The following CLASP1 variants were observed in gnomAD, a reference collection of about 807,000 sequenced individuals.
The protein encoded by CLASP1 is CLIP-associating protein 1.
Under a neutral mutation model 192.3 loss-of-function variants are expected in CLASP1, and 38 were observed. That is an observed-to-expected ratio of 0.20 (90% confidence interval 0.15 to 0.26). The LOEUF is 0.26. Ranked by LOEUF, CLASP1 falls within the 10% of genes least tolerant of loss-of-function variation. The pLI, the probability that CLASP1 is intolerant of heterozygous loss-of-function variation, is 1.00. For synonymous variants in CLASP1, 691 were observed against 712.8 expected, an observed-to-expected ratio of 0.97 and a Z score of 0.49; for missense variants, 1,433 against 1,932.5, an observed-to-expected ratio of 0.74 and a Z score of 4.85.
chr2:121,429,899 A>G (rs1043352108), intron 20 of CLASP1, among the ~76,000 whole-genome samples, 174 bp downstream of exon 20: 4 of 152,206 alleles, frequency 2.6e-5, no homozygotes, highest in African/African-American at 9.7e-5. Context: ...TATGCCTGAA[A>G]TGTTTCATTT....
At chr2:121,427,867 A>G (rs1436972164) in intron 20 of CLASP1, among the ~76,000 whole-genome samples, 2 of 152,224 alleles carry the variant, frequency 1.3e-5, no homozygotes, top group Non-Finnish European at 2.9e-5. Flanking sequence ...AAATATGCCA[A>G]TTATTAAGGG....
intron 9 of CLASP1, among the ~76,000 whole-genome samples, chr2:121,465,341 T>G (rs532619130): frequency 2.8e-4 from 42 of 152,316 alleles, no homozygotes; most frequent in African/African-American, 1.0e-3. Context: ...ACAAAATCAA[T>G]GTACAAAAAT....
At chr2:121,587,913 C>T (rs1022174238) in intron 2 of CLASP1, among the ~76,000 whole-genome samples, 4 of 151,790 alleles carry the variant, frequency 2.6e-5, no homozygotes, top group Admixed American at 2.0e-4. Flanking sequence ...TGGCTCACAC[C>T]TGTAATCTCA....
intron 33 of CLASP1, 61 bp downstream of exon 34, chr2:121,382,147 C>G: frequency 7.4e-7 from 1 of 1,349,768 alleles, no homozygotes; most frequent in Non-Finnish European, 1.0e-6. Flanking sequence ...AGACCTGAGA[C>G]GACCTTGGAA....
At chr2:121,541,092 T>C (rs1367361033) in intron 2 of CLASP1, among the ~76,000 whole-genome samples, 1 of 152,190 alleles carries the variant, frequency 6.6e-6, no homozygotes, top group Non-Finnish European at 1.5e-5. Flanking sequence ...CCTATAAGTT[T>C]ATAACAAGAA....
chr2:121,558,377 T>C (rs1313485700), intron 2 of CLASP1, among the ~76,000 whole-genome samples: 1 of 152,168 alleles, frequency 6.6e-6, no homozygotes, highest in Non-Finnish European at 1.5e-5. Flanking sequence ...TCTGCTATGG[T>C]TTGAATGTGC....
intron 2 of CLASP1, among the ~76,000 whole-genome samples, chr2:121,554,241 A>G (rs185753217): frequency 9.1e-4 from 138 of 152,116 alleles, no homozygotes; most frequent in African/African-American, 3.3e-3. Flanking sequence ...AGAAATAAAT[A>G]ACAACAATAA....
At chr2:121,469,553 G>T (rs1465846286) in intron 9 of CLASP1, among the ~76,000 whole-genome samples, 1 of 152,152 alleles carries the variant, frequency 6.6e-6, no homozygotes, top group Non-Finnish European at 1.5e-5. Context: ...GCTTTCCTCT[G>T]TGCTGGCTTC....
At chr2:121,589,882 C>T (rs1386695662) in intron 2 of CLASP1, among the ~76,000 whole-genome samples, 1 of 151,540 alleles carries the variant, frequency 6.6e-6, no homozygotes, top group Non-Finnish European at 1.5e-5. Flanking sequence ...ACAAATAGAC[C>T]CAAATAGATC....
intron 2 of CLASP1, among the ~76,000 whole-genome samples, chr2:121,577,932 AT>A (rs1199631883): frequency 6.6e-6 from 1 of 151,982 alleles, no homozygotes; most frequent in Non-Finnish European, 1.5e-5. Context: ...TGACTGATTG[AT>A]TGATTAATTG....
intron 38 of CLASP1, 109 bp from the exon 40 acceptor site, chr2:121,347,263 T>A: frequency 1.4e-6 from 1 of 740,430 alleles, no homozygotes; most frequent in South Asian, 1.7e-5. Context: ...ACCTTGGACT[T>A]GTCAGTAACA....
chr2:121,347,163 C>A lies in CLASP1; in HGVS notation c.4414-9G>T. ...TCGGTGTTGTCATAACCCTAGAGAG[C>A]CAGAAGGGAACACGAAAAGGAAACC... On this transcript the variant is annotated splice_polypyrimidine_tract_variant and intron_variant, in intron 38 of 39. Coordinates refer to ENST00000263710, the Ensembl canonical transcript of CLASP1. 1 of 1,544,100 alleles carries A rather than the reference C, an allele frequency of 6.5e-7. No individual in the cohort carries two copies. The highest frequency in any genetic ancestry group is 8.8e-7 in the Non-Finnish European group (1 of 1,135,898).
At chr2:121,419,096 C>T (rs1475590861) in intron 22 of CLASP1, among the ~76,000 whole-genome samples, 1 of 152,136 alleles carries the variant, frequency 6.6e-6, no homozygotes, top group Non-Finnish European at 1.5e-5. Context: ...AACTTCTCAA[C>T]AAGAGGACAA....
chr2:121,536,442 T>A (rs566470405), intron 2 of CLASP1, among the ~76,000 whole-genome samples: 1 of 149,658 alleles, frequency 6.7e-6, no homozygotes, highest in Non-Finnish European at 1.5e-5. Context: ...AGCAATTCCA[T>A]TTCTGGGCAT....
At position 121,383,893 on chromosome 2, in the gene CLASP1, G is replaced by T. The variant is rs147522902; in HGVS notation, c.3375-1569C>A. ...GAAGTTTATTCTTTCACACAGAAATGATGTCTAACGGAATGTTTTACAAAA... is the reference window on the plus strand; with the variant it reads ...GAAGTTTATTCTTTCACACAGAAATTATGTCTAACGGAATGTTTTACAAAA... On this transcript the variant is annotated intron_variant, in intron 32 of 39. Transcript: ENST00000263710. Among the ~76,000 whole-genome samples, 63 of 151,088 alleles carry T rather than the reference G, an allele frequency of 4.2e-4. No homozygotes were observed. In the East Asian group the frequency reaches 8.0e-3, roughly 19 times the overall value.
intron 9 of CLASP1, among the ~76,000 whole-genome samples, chr2:121,469,542 T>C (rs1182380855): frequency 2.0e-5 from 3 of 152,232 alleles, no homozygotes; most frequent in Non-Finnish European, 4.4e-5. Context: ...CTCTGAGCTA[T>C]GCTTTCCTCT....
At chr2:121,549,611 C>G (rs940804786) in intron 2 of CLASP1, among the ~76,000 whole-genome samples, 1 of 150,208 alleles carries the variant, frequency 6.7e-6, no homozygotes, top group African/African-American at 2.5e-5. Context: ...CTACAGAACT[C>G]TCCACCCAAA....
At chr2:121,435,512 G>C (rs1167267003) in intron 19 of CLASP1, among the ~76,000 whole-genome samples, 1 of 152,136 alleles carries the variant, frequency 6.6e-6, no homozygotes, top group Non-Finnish European at 1.5e-5. Flanking sequence ...AACCTCAGGT[G>C]ATCTGCCCGC....
chr2:121,406,706 C>T (rs1226355756), intron 25 of CLASP1, among the ~76,000 whole-genome samples: 1 of 152,134 alleles, frequency 6.6e-6, no homozygotes, highest in African/African-American at 2.4e-5. Context: ...CCTCCTGCCT[C>T]AGCCTCCGAA....
Sources: gnomAD v4.1 joint callset for allele counts (sites outside exome capture counted in the v4.1 genomes callset) on GRCh38, gnomAD v4.1.1 for gene constraint, MANE v1.5 for transcripts, NCBI Gene and HGNC (gene_info 2026-07-23, HGNC 2026-07-21) for gene names.